Variants in SAMMSON observed in about 807,000 individuals in gnomAD.
SAMMSON encodes the protein long intergenic non-protein coding RNA 1212.
chr3:70,310,338 G>GTA (rs1395742269), intron 7 of SAMMSON, among the ~76,000 whole-genome samples: 1 of 151,606 alleles, frequency 6.6e-6, no homozygotes, highest in African/African-American at 2.4e-5. Context: ...TTTAAAATAA[G>GTA]TATATTTTTA....
At chr3:70,254,292 C>A (rs1432283281) in intron 6 of SAMMSON, among the ~76,000 whole-genome samples, 1 of 151,994 alleles carries the variant, frequency 6.6e-6, no homozygotes, top group Non-Finnish European at 1.5e-5. Context: ...TTAAGGGATT[C>A]TTTTTTCAAA....
intron 4 of SAMMSON, among the ~76,000 whole-genome samples, chr3:70,175,865 T>C (rs1404440831): frequency 2.0e-5 from 3 of 152,128 alleles, no homozygotes; most frequent in Admixed American, 2.0e-4. Flanking sequence ...AAAGCTAGTT[T>C]AAGGTGAGGT....
intron 2 of SAMMSON, among the ~76,000 whole-genome samples, chr3:70,429,751 T>C (rs1412187705): frequency 2.6e-5 from 4 of 152,342 alleles, no homozygotes; most frequent in Middle Eastern, 3.4e-3. Flanking sequence ...AGTTCACTCA[T>C]GATTTGGCTC....
chr3:70,142,762 G>T (rs1245314833), intron 4 of SAMMSON, among the ~76,000 whole-genome samples: 1 of 152,102 alleles, frequency 6.6e-6, no homozygotes, highest in African/African-American at 2.4e-5. Context: ...GGTATCTGTT[G>T]TGTGGGAAGC....
chr3:70,305,080 G>C (rs535903768), intron 7 of SAMMSON, among the ~76,000 whole-genome samples: 1 of 152,114 alleles, frequency 6.6e-6, no homozygotes, highest in South Asian at 2.1e-4. Context: ...CTTGACCACT[G>C]ATTCTAAAGG....
At chr3:70,122,452 A>G (rs1367687557) in intron 4 of SAMMSON, among the ~76,000 whole-genome samples, 1 of 152,156 alleles carries the variant, frequency 6.6e-6, no homozygotes, top group Non-Finnish European at 1.5e-5. Flanking sequence ...CCAGCAATCC[A>G]CCTGCTCGCC....
At chr3:70,299,575 G>T (rs567313191) in intron 7 of SAMMSON, among the ~76,000 whole-genome samples, 2 of 152,098 alleles carry the variant, frequency 1.3e-5, no homozygotes. Flanking sequence ...GCCAAGGCTC[G>T]TTGGAGTCAG....
chr3:70,061,158 A>G (rs2067186946), intron 3 of SAMMSON, among the ~76,000 whole-genome samples: 1 of 152,104 alleles, frequency 6.6e-6, no homozygotes. Flanking sequence ...TTCATGAGTA[A>G]TAGACAAGGC....
chr3:70,286,344 G>T (rs565795393), intron 6 of SAMMSON, among the ~76,000 whole-genome samples: 135 of 152,184 alleles, frequency 8.9e-4, no homozygotes, highest in African/African-American at 3.0e-3. Context: ...GTTTTTGTCA[G>T]GTTTGTCAAA....
intron 7 of SAMMSON, among the ~76,000 whole-genome samples, chr3:70,307,811 C>A (rs1457690059): frequency 6.6e-6 from 1 of 152,136 alleles, no homozygotes; most frequent in Non-Finnish European, 1.5e-5. Flanking sequence ...CACTACTTAA[C>A]CTACAGTCAG....
At chr3:70,421,270 T>C (rs547313680) in intron 2 of SAMMSON, among the ~76,000 whole-genome samples, 63 of 152,224 alleles carry the variant, frequency 4.1e-4, no homozygotes, top group African/African-American at 1.4e-3. Context: ...TATGCTGAAA[T>C]TTAAAAAATT....
chr3:70,210,948 T>A (rs1246366837), intron 4 of SAMMSON, among the ~76,000 whole-genome samples: 1 of 152,138 alleles, frequency 6.6e-6, no homozygotes, highest in Admixed American at 6.6e-5. Context: ...AGTACCCACA[T>A]GCAACAGATG....
chr3:70,053,526 T>C (rs191077162), intron 3 of SAMMSON, among the ~76,000 whole-genome samples: 1 of 152,260 alleles, frequency 6.6e-6, no homozygotes, highest in Admixed American at 6.5e-5. Flanking sequence ...AGCTCCCACA[T>C]AGAGTCCCAA....
intron 7 of SAMMSON, among the ~76,000 whole-genome samples, chr3:70,326,210 T>A (rs1372076366): frequency 6.6e-6 from 1 of 152,084 alleles, no homozygotes; most frequent in Non-Finnish European, 1.5e-5. Context: ...TTATTTACTC[T>A]CAGAGTGTAA....
intron 2 of SAMMSON, among the ~76,000 whole-genome samples, chr3:70,428,523 T>TA (rs1481422031): frequency 6.6e-6 from 1 of 152,204 alleles, no homozygotes; most frequent in African/African-American, 2.4e-5. Context: ...GGGATATCTA[T>TA]ATATAAAAAA....
chr3:70,332,088 C>A (rs1365037402), intron 7 of SAMMSON, among the ~76,000 whole-genome samples: 1 of 152,194 alleles, frequency 6.6e-6, no homozygotes, highest in Admixed American at 6.5e-5. Context: ...CTTTCTCTTT[C>A]ATTGCACAAA....
At chr3:70,378,955 A>T (rs991394975) in intron 9 of SAMMSON, among the ~76,000 whole-genome samples, 6 of 151,922 alleles carry the variant, frequency 3.9e-5, no homozygotes, top group Non-Finnish European at 8.8e-5. Flanking sequence ...GTATGTTCCA[A>T]ACATTGCAGG....
chr3:70,246,611 T>C (rs1186509635), intron 4 of SAMMSON, among the ~76,000 whole-genome samples: 2 of 152,114 alleles, frequency 1.3e-5, no homozygotes, highest in African/African-American at 2.4e-5. Context: ...AGGAACATAC[T>C]TGATAACTGA....
chr3:70,364,518 C>T (rs1241730153), intron 9 of SAMMSON, among the ~76,000 whole-genome samples: 2 of 151,900 alleles, frequency 1.3e-5, no homozygotes, highest in Middle Eastern at 3.2e-3. Flanking sequence ...TTTTCTCTTA[C>T]TACCCCAAAG....
Sources: gnomAD v4.1 joint callset for allele counts (sites outside exome capture counted in the v4.1 genomes callset) on GRCh38, gnomAD v4.1.1 for gene constraint, MANE v1.5 for transcripts, NCBI Gene and HGNC (gene_info 2026-07-23, HGNC 2026-07-21) for gene names.